Variants in DPP10 observed in about 807,000 individuals in gnomAD.
DPP10 encodes dipeptidyl peptidase like 10.
A neutral mutation model predicts 120.9 loss-of-function variants in DPP10; 33 were observed. That is an observed-to-expected ratio of 0.27 (90% CI 0.21 to 0.37). The LOEUF is 0.37. Among genes scored for constraint, DPP10 ranks in the 10% least tolerant of loss-of-function variants. The pLI is 1.00. For synonymous variants in DPP10, 337 were observed against 326.1 expected (o/e 1.03, Z -0.36); for missense variants, 816 against 942.8 (o/e 0.87, Z 1.76).
chr2:115,142,465 T>C (rs1386222713), intron 1 of DPP10, among the ~76,000 whole-genome samples: 2 of 152,156 alleles, frequency 1.3e-5, no homozygotes, highest in Admixed American at 6.6e-5. Flanking sequence ...GGAGATCAGA[T>C]GGAAGCCAAC....
chr2:115,013,495 C>A (rs1443373180), intron 1 of DPP10, among the ~76,000 whole-genome samples: 3 of 151,858 alleles, frequency 2.0e-5, no homozygotes, highest in Admixed American at 1.3e-4. Flanking sequence ...TCTCAAAGAG[C>A]ATCTTTGTGG....
chr2:115,362,283 T>C (rs994567171), intron 3 of DPP10, among the ~76,000 whole-genome samples: 6 of 152,180 alleles, frequency 3.9e-5, no homozygotes. Flanking sequence ...GTTTTGTAAG[T>C]GGGGCAACTA....
At chr2:115,318,202 C>A (rs1263752440) in intron 2 of DPP10, among the ~76,000 whole-genome samples, 4 of 152,152 alleles carry the variant, frequency 2.6e-5, no homozygotes, top group East Asian at 1.9e-4. Flanking sequence ...AGAGACCATT[C>A]TTTCCCAATT....
intron 1 of DPP10, among the ~76,000 whole-genome samples, chr2:115,219,935 G>T (rs2057048320): frequency 6.6e-6 from 1 of 152,164 alleles, no homozygotes; most frequent in South Asian, 2.1e-4. Flanking sequence ...TCAACAACTA[G>T]AAATGTATGA....
chr2:115,134,002 A>C (rs1017396566), intron 1 of DPP10, among the ~76,000 whole-genome samples: 3 of 152,210 alleles, frequency 2.0e-5, no homozygotes, highest in Non-Finnish European at 4.4e-5. Flanking sequence ...TGAACTTCTA[A>C]AGGAAAATAA....
intron 1 of DPP10, among the ~76,000 whole-genome samples, chr2:114,681,686 T>C (rs1409010511): frequency 6.6e-6 from 1 of 151,986 alleles, no homozygotes; most frequent in Admixed American, 6.6e-5. Flanking sequence ...AAGAATACAT[T>C]TTACAAAGCC....
chr2:115,612,741 C>T (rs1228441870), intron 5 of DPP10, among the ~76,000 whole-genome samples: 1 of 151,992 alleles, frequency 6.6e-6, no homozygotes, highest in East Asian at 1.9e-4. Flanking sequence ...AATAATACTG[C>T]TCTCATAAAG....
At chr2:114,895,481 G>A (rs1692891047) in intron 1 of DPP10, among the ~76,000 whole-genome samples, 2 of 152,264 alleles carry the variant, frequency 1.3e-5, no homozygotes, top group South Asian at 4.1e-4. Flanking sequence ...AATGTAAAAT[G>A]TCAAAATCTC....
intron 1 of DPP10, among the ~76,000 whole-genome samples, chr2:114,828,000 G>GA (rs1382636740): frequency 1.3e-5 from 2 of 151,854 alleles, no homozygotes; most frequent in African/African-American, 4.8e-5. Context: ...TTGCTTTGTA[G>GA]AAAAAAACAG....
At chr2:114,873,482 T>A (rs1435002395) in intron 1 of DPP10, among the ~76,000 whole-genome samples, 1 of 152,152 alleles carries the variant, frequency 6.6e-6, no homozygotes, top group African/African-American at 2.4e-5. Context: ...ACACTACAGC[T>A]GCACAACTAT....
At chr2:114,502,239 C>T (rs951900069) in intron 1 of DPP10, among the ~76,000 whole-genome samples, 41 of 152,214 alleles carry the variant, frequency 2.7e-4, no homozygotes, top group African/African-American at 9.2e-4. Context: ...AGGCGTGAGC[C>T]ACTGCACCCA....
At chr2:115,639,369 A>G (rs1046128855) in intron 5 of DPP10, among the ~76,000 whole-genome samples, 6 of 152,174 alleles carry the variant, frequency 3.9e-5, no homozygotes, top group Admixed American at 1.3e-4. Flanking sequence ...GAAGCTGGCA[A>G]TTTCCTTATA....
At chr2:114,699,190 ATGCTATATACATCTTGGAGGTACCAT>A (rs2105806307) in intron 1 of DPP10, among the ~76,000 whole-genome samples, 1 of 152,254 alleles carries the variant, frequency 6.6e-6, no homozygotes, top group South Asian at 2.1e-4. Flanking sequence ...TCAGAATAAC[ATGCTATATACATCTTGGAGGTACCAT>A]GAAGGCATGG....
intron 1 of DPP10, among the ~76,000 whole-genome samples, chr2:114,540,694 A>G (rs1686879853): frequency 6.6e-6 from 1 of 152,186 alleles, no homozygotes; most frequent in Non-Finnish European, 1.5e-5. Flanking sequence ...GTTATTGCTG[A>G]ATTTGATTTA....
At chr2:114,454,680 A>C (rs530526422) in intron 1 of DPP10, among the ~76,000 whole-genome samples, 9 of 152,248 alleles carry the variant, frequency 5.9e-5, no homozygotes, top group East Asian at 3.9e-4. Context: ...ATTCACAGGG[A>C]ATTTGTCTCA....
At chr2:114,905,847 C>A (rs1693918657) in intron 1 of DPP10, among the ~76,000 whole-genome samples, 1 of 152,112 alleles carries the variant, frequency 6.6e-6, no homozygotes, top group Non-Finnish European at 1.5e-5. Context: ...CAGGCTCAGC[C>A]TGTATATAGA....
intron 3 of DPP10, among the ~76,000 whole-genome samples, chr2:115,407,158 C>T (rs1441638653): frequency 1.3e-5 from 2 of 152,190 alleles, no homozygotes; most frequent in South Asian, 2.1e-4. Context: ...CTTCCTGAGC[C>T]TCTACCCTGT....
chr2:114,904,156 G>C (rs996914879), intron 1 of DPP10, among the ~76,000 whole-genome samples: 1 of 152,144 alleles, frequency 6.6e-6, no homozygotes, highest in African/African-American at 2.4e-5. Context: ...GTTTCAGTTA[G>C]ACATTAGAAA....
intron 1 of DPP10, among the ~76,000 whole-genome samples, chr2:114,591,929 T>A (rs145849339): frequency 7.2e-5 from 11 of 152,024 alleles, no homozygotes; most frequent in Non-Finnish European, 1.5e-4. Context: ...AGTTACAAAT[T>A]TAGGAAGAAA....
Sources: gnomAD v4.1 joint callset for allele counts (sites outside exome capture counted in the v4.1 genomes callset) on GRCh38, gnomAD v4.1.1 for gene constraint, MANE v1.5 for transcripts, NCBI Gene and HGNC (gene_info 2026-07-23, HGNC 2026-07-21) for gene names.